The following MAGI1 variants were observed in gnomAD, a reference collection of about 807,000 sequenced individuals.
MAGI1 encodes the protein membrane associated guanylate kinase, WW and PDZ domain containing 1, also known as membrane-associated guanylate kinase, WW and PDZ domain-containing protein 1.
MAGI1 carries 58 observed loss-of-function variants against 139.9 expected under a neutral mutation model. The observed-to-expected ratio is 0.41, with a 90% confidence interval of 0.34 to 0.52. MAGI1 has a LOEUF of 0.52. Ranked by LOEUF, MAGI1 falls within the 20% of genes least tolerant of loss-of-function variation. The pLI, the probability that MAGI1 is intolerant of heterozygous loss-of-function variation, is 0.12. For missense variants in MAGI1, 1,874 were observed against 1,901.6 expected (o/e 0.99, Z 0.27); for synonymous variants, 812 against 737.9 (o/e 1.10, Z -1.63).
At chr3:65,787,816 T>A (rs532700010) in intron 1 of MAGI1, among the ~76,000 whole-genome samples, 2 of 152,080 alleles carry the variant, frequency 1.3e-5, no homozygotes, top group Admixed American at 6.6e-5. Context: ...GAAAGGCATA[T>A]TTCTCAGAAA....
At chr3:65,672,776 A>G (rs2086942354) in intron 1 of MAGI1, among the ~76,000 whole-genome samples, 1 of 152,206 alleles carries the variant, frequency 6.6e-6, no homozygotes, top group Non-Finnish European at 1.5e-5. Context: ...CTATAATTCA[A>G]ATTCATTCCT....
intron 1 of MAGI1, among the ~76,000 whole-genome samples, chr3:65,940,519 T>C (rs1043852816): frequency 4.6e-5 from 7 of 152,250 alleles, no homozygotes; most frequent in Non-Finnish European, 7.4e-5. Context: ...ACTAATCCCA[T>C]TCATGAGGGC....
In MAGI1 at chr3:65,831,847, C is replaced by T. The variant is rs1024678171; in HGVS notation, c.313+206149G>A. Among the ~76,000 whole-genome samples the T allele has an allele frequency of 9.2e-5, 14 of 152,244 alleles. No individual in the cohort carries two copies. In the South Asian group the frequency reaches 2.5e-3, roughly 27 times the overall value. On this transcript the variant is annotated intron_variant, in intron 1 of 22. Transcript: ENST00000402939. ...ACTACAGATTTGAAATTTAAAAAGG[C>T]AAATCTGAAATGTGTCACCACATAT...
intron 17 of MAGI1, chr3:65,379,052 A>AAGTT (rs1942816541): frequency 1.0e-6 from 1 of 987,002 alleles, no homozygotes; most frequent in African/African-American, 1.6e-5. Context: ...CTCAGTGTGG[A>AAGTT]AGTTGAAAGG....
In MAGI1 at chr3:65,946,291, G is replaced by A. The variant is rs543697972; in HGVS notation, c.313+91705C>T. Among the ~76,000 whole-genome samples the A allele has an allele frequency of 4.6e-5, 7 of 152,310 alleles. No homozygotes were observed. The South Asian group carries it at 1.0e-3, about 23-fold the overall frequency. Reference sequence around the variant, plus strand: ...AAGAAACACAAGTTAAAGAACTTTCGGGAACTACAAGTCCTCGTCAGCGTC... The same window carrying A: ...AAGAAACACAAGTTAAAGAACTTTCAGGAACTACAAGTCCTCGTCAGCGTC... On this transcript the variant is annotated intron_variant, in intron 1 of 22. Transcript: ENST00000402939.
At chr3:65,912,941 A>G (rs1167411605) in intron 1 of MAGI1, among the ~76,000 whole-genome samples, 1 of 152,228 alleles carries the variant, frequency 6.6e-6, no homozygotes, top group Non-Finnish European at 1.5e-5. Context: ...TGAAGAATAA[A>G]GTAAACTTTT....
At chr3:65,660,730 C>G (rs542712592) in intron 1 of MAGI1, among the ~76,000 whole-genome samples, 3 of 152,308 alleles carry the variant, frequency 2.0e-5, no homozygotes, top group Admixed American at 2.0e-4. Flanking sequence ...ATGCTTTTCA[C>G]TTTCAGATTA....
At chr3:65,864,926 A>C (rs1014076246) in intron 1 of MAGI1, among the ~76,000 whole-genome samples, 1 of 152,242 alleles carries the variant, frequency 6.6e-6, no homozygotes, top group Non-Finnish European at 1.5e-5. Flanking sequence ...TATCAAAATG[A>C]TAAGACACTA....
intron 17 of MAGI1, among the ~76,000 whole-genome samples, chr3:65,377,064 A>G (rs1942607025): frequency 6.6e-6 from 1 of 152,164 alleles, no homozygotes; most frequent in South Asian, 2.1e-4. Context: ...TACCTTTTGG[A>G]AAGGGTGACA....
intron 1 of MAGI1, among the ~76,000 whole-genome samples, chr3:65,776,224 AC>A (rs2038404945): frequency 6.9e-6 from 1 of 145,166 alleles, no homozygotes; most frequent in African/African-American, 2.5e-5. Flanking sequence ...TATATGAAAC[AC>A]TACTGGCATA....
intron 1 of MAGI1, among the ~76,000 whole-genome samples, chr3:65,770,860 T>C (rs916391190): frequency 1.3e-5 from 2 of 151,792 alleles, no homozygotes; most frequent in Non-Finnish European, 1.5e-5. Context: ...AGCTAATTTG[T>C]TTTTCTATTT....
intron 7 of MAGI1, among the ~76,000 whole-genome samples, chr3:65,443,063 T>C (rs537268099): frequency 6.6e-6 from 1 of 152,208 alleles, no homozygotes; most frequent in African/African-American, 2.4e-5. Context: ...TGGTATTTTA[T>C]GCAAGAAAAT....
chr3:65,693,425 G>C (rs1057337177), intron 1 of MAGI1, among the ~76,000 whole-genome samples: 1 of 152,100 alleles, frequency 6.6e-6, no homozygotes, highest in African/African-American at 2.4e-5. Context: ...ATACAACCGG[G>C]TTCCAAGGCA....
intron 2 of MAGI1, among the ~76,000 whole-genome samples, chr3:65,563,354 A>G (rs894227319): frequency 6.6e-6 from 1 of 152,170 alleles, no homozygotes; most frequent in Non-Finnish European, 1.5e-5. Flanking sequence ...GTGACACTCA[A>G]TGATTCTTGC....
chr3:65,668,084 T>G (rs1388732347), intron 1 of MAGI1, among the ~76,000 whole-genome samples: 1 of 152,174 alleles, frequency 6.6e-6, no homozygotes, highest in Non-Finnish European at 1.5e-5. Flanking sequence ...CCAGGCTGCT[T>G]AGGTTCTCAT....
chr3:65,591,291 T>C (rs1218911322), intron 2 of MAGI1, among the ~76,000 whole-genome samples: 1 of 152,176 alleles, frequency 6.6e-6, no homozygotes, highest in East Asian at 1.9e-4. Flanking sequence ...GTCCTTCCAG[T>C]TGTTCATGTT....
intron 1 of MAGI1, among the ~76,000 whole-genome samples, chr3:65,990,768 A>G (rs2066129166): frequency 6.6e-6 from 1 of 152,184 alleles, no homozygotes; most frequent in Admixed American, 6.5e-5. Flanking sequence ...AATAATGGTA[A>G]ATCATATTTT....
At chr3:65,509,231 G>A (rs35133367) in intron 2 of MAGI1, among the ~76,000 whole-genome samples, 46,525 of 152,078 alleles carry the variant, frequency 0.31, 8,683 homozygotes, top group East Asian at 0.73. Context: ...TGAAGCAGTA[G>A]GGAAATCCAG....
At chr3:65,358,653 AGGCTATGGACAGGATTGG>A (rs1940463474) in intron 22 of MAGI1, among the ~76,000 whole-genome samples, 2 of 152,318 alleles carry the variant, frequency 1.3e-5, no homozygotes, top group Non-Finnish European at 1.5e-5. Flanking sequence ...TTACAAAAAC[AGGCTATGGACAGGATTGG>A]GCCCATGGAC....
Sources: allele counts gnomAD v4.1 joint callset (sites outside exome capture counted in the v4.1 genomes callset), GRCh38; gene constraint gnomAD v4.1.1; transcripts MANE v1.5; gene names NCBI Gene and HGNC (gene_info 2026-07-23, HGNC 2026-07-21).